REPS2: variants seen among roughly 807,000 people sequenced by gnomAD.
REPS2 encodes ralBP1-associated Eps domain-containing protein 2.
REPS2 carries 23 observed loss-of-function variants against 53.6 expected under a neutral mutation model. The ratio of observed to expected loss-of-function variants is 0.43; its 90% CI spans 0.31 to 0.61. REPS2 has a LOEUF of 0.61. Ranked by LOEUF, REPS2 falls within the 20% of genes least tolerant of loss-of-function variation. The pLI, the probability that REPS2 is intolerant of heterozygous loss-of-function variation, is 0.11. For missense variants in REPS2, 446 were observed against 534.9 expected (o/e 0.83, Z 1.64); for synonymous variants, 238 against 218.6 (o/e 1.09, Z -0.78).
In REPS2 at chrX:17,149,153, T is replaced by C. The variant is rs1275725053; in HGVS notation, c.*1672T>C. The stretch of plus-strand genomic sequence containing the variant: ...GAACTATTTTTCTATTCCCTTTTTT[T>C]CTTCCCCATTTGCTGCCTTTTTTGT... On this transcript the variant is annotated 3_prime_UTR_variant, in exon 18 of 18. Transcript: ENST00000357277. 1 of 248,885 alleles carries C rather than the reference T, an allele frequency of 4.0e-6. No homozygotes were observed. 20.5% of individuals were successfully genotyped at this position (248,885 alleles called of 1,213,427 possible).
the REPS2 span, among the ~76,000 whole-genome samples, chrX:17,174,736 C>T: frequency 2.7e-5 from 3 of 112,738 alleles, no homozygotes; most frequent in Admixed American, 9.4e-5. Context: ...GGCAGCGGGG[C>T]ATCAACCTCA....
intron 14 of REPS2, among the ~76,000 whole-genome samples, chrX:17,121,252 C>T (rs2063137336): frequency 8.9e-6 from 1 of 112,145 alleles, no homozygotes; most frequent in Non-Finnish European, 1.9e-5. Context: ...CCAACTTCCT[C>T]CTAAATACCC....
At chrX:17,140,686 TAC>T (rs961696683) in intron 17 of REPS2, among the ~76,000 whole-genome samples, 5 of 109,655 alleles carry the variant, frequency 4.6e-5, no homozygotes, top group Non-Finnish European at 9.5e-5. Context: ...AATATATTTT[TAC>T]AGTTTTTTCT....
chrX:17,105,223 G>A (rs965753303), intron 14 of REPS2, among the ~76,000 whole-genome samples: 1 of 111,025 alleles, frequency 9.0e-6, no homozygotes, highest in Non-Finnish European at 1.9e-5. Flanking sequence ...CACTTGCAAT[G>A]GAGGCTTTCA....
At chrX:16,964,652 CG>C (rs1423716200) in intron 1 of REPS2, among the ~76,000 whole-genome samples, 1 of 97,511 alleles carries the variant, frequency 1.0e-5, no homozygotes, top group African/African-American at 3.8e-5. Flanking sequence ...GCTGGCCGGA[CG>C]GGGGGCTGAC....
chrX:17,158,570 C>G, the REPS2 span, among the ~76,000 whole-genome samples: 3 of 111,977 alleles, frequency 2.7e-5, no homozygotes, highest in African/African-American at 9.7e-5. Context: ...ATACAAAGGA[C>G]TAACTTTAGA....
the REPS2 span, among the ~76,000 whole-genome samples, chrX:17,164,780 G>A: frequency 1.8e-5 from 2 of 110,220 alleles, no homozygotes; most frequent in East Asian, 5.6e-4. Flanking sequence ...AAAGAAAGCA[G>A]AAGAAAGGAA....
At chrX:17,007,371 C>T (rs1324429729) in intron 2 of REPS2, among the ~76,000 whole-genome samples, 3 of 112,377 alleles carry the variant, frequency 2.7e-5, no homozygotes, top group Non-Finnish European at 5.6e-5. Flanking sequence ...TGACACCCTA[C>T]TAAATTAGGT....
intron 3 of REPS2, among the ~76,000 whole-genome samples, chrX:17,024,021 G>A (rs2061606345): frequency 9.1e-6 from 1 of 110,360 alleles, no homozygotes; most frequent in Admixed American, 9.7e-5. Context: ...GGGTGTAGTG[G>A]CTCATGCCTG....
chrX:17,117,072 C>T (rs1391159822), intron 14 of REPS2, among the ~76,000 whole-genome samples: 2 of 111,120 alleles, frequency 1.8e-5, no homozygotes, highest in African/African-American at 6.6e-5. Flanking sequence ...GTAGATGGCA[C>T]CCAATGGTGC....
chrX:17,069,796 T>C (rs936887283), intron 10 of REPS2, 144 bp from the exon 11 acceptor site: 32 of 331,826 alleles, frequency 9.6e-5, no homozygotes, highest in Non-Finnish European at 1.7e-4. Flanking sequence ...TAGCAACTTT[T>C]AGAGGTTTGT....
intron 3 of REPS2, among the ~76,000 whole-genome samples, chrX:17,024,151 G>A (rs1055750566): frequency 2.8e-5 from 3 of 108,008 alleles, no homozygotes; most frequent in Admixed American, 1.0e-4. Flanking sequence ...TTAGCTGTGT[G>A]TGGTGGCGCA....
chrX:16,962,281 AC>A (rs2060673012), intron 1 of REPS2, among the ~76,000 whole-genome samples: 1 of 43,637 alleles, frequency 2.3e-5, no homozygotes, highest in African/African-American at 1.5e-4. Flanking sequence ...TGGGATACAC[AC>A]ACACACACAC....
chrX:16,959,758 C>T (rs963465113), intron 1 of REPS2, among the ~76,000 whole-genome samples: 22 of 111,629 alleles, frequency 2.0e-4, no homozygotes, highest in Admixed American at 1.8e-3. Flanking sequence ...AGAGTTAATA[C>T]TAATCCTTCT....
chrX:17,051,408 T>C (rs2062001807), intron 6 of REPS2, among the ~76,000 whole-genome samples: 1 of 112,019 alleles, frequency 8.9e-6, no homozygotes, highest in Non-Finnish European at 1.9e-5. Context: ...ATGGTAGCTC[T>C]AATTGTAGTT....
intron 1 of REPS2, among the ~76,000 whole-genome samples, chrX:16,964,300 A>G (rs1048846699): frequency 1.0e-4 from 11 of 109,402 alleles, no homozygotes; most frequent in African/African-American, 3.7e-4. Flanking sequence ...AATCCATTCA[A>G]CCCTGAGTGG....
At chrX:17,174,691 T>C in the REPS2 span, among the ~76,000 whole-genome samples, 1 of 112,710 alleles carries the variant, frequency 8.9e-6, no homozygotes, top group Non-Finnish European at 1.9e-5. Flanking sequence ...AAGCCATCAA[T>C]TACCTGCTGT....
chrX:17,040,195 A>G (rs1005857600), intron 5 of REPS2, among the ~76,000 whole-genome samples: 5 of 112,735 alleles, frequency 4.4e-5, no homozygotes, highest in African/African-American at 1.6e-4. Context: ...CTTCCTGTGA[A>G]TCTATAATTA....
the REPS2 span, among the ~76,000 whole-genome samples, chrX:17,177,667 G>T: frequency 9.0e-6 from 1 of 111,664 alleles, no homozygotes; most frequent in Admixed American, 9.5e-5. Flanking sequence ...CCTATCTCAG[G>T]CTCTGCTGCT....
Sources: gnomAD v4.1 joint callset for allele counts (sites outside exome capture counted in the v4.1 genomes callset) on GRCh38, gnomAD v4.1.1 for gene constraint, MANE v1.5 for transcripts, NCBI Gene and HGNC (gene_info 2026-07-23, HGNC 2026-07-21) for gene names.